Variants in ADPRHL1 observed in about 807,000 individuals in gnomAD.
The protein encoded by ADPRHL1 is ADP-ribosylhydrolase like 1.
In ADPRHL1, 43 loss-of-function variants were observed where a neutral mutation model predicts 44.1. The observed-to-expected ratio is 0.98, with a 90% CI of 0.76 to 1.26. The LOEUF (loss-of-function observed/expected upper bound fraction) is 1.26. Ranked by LOEUF, ADPRHL1 falls within the 50% of genes most tolerant of loss-of-function variation. The pLI is 0.00. For synonymous variants in ADPRHL1, 878 were observed against 1,017.4 expected (o/e 0.86, Z 2.61); for missense variants, 2,022 against 2,496.9 (o/e 0.81, Z 4.05).
At chr13:113,440,062 T>G (rs2044086865) in intron 2 of ADPRHL1, among the ~76,000 whole-genome samples, 1 of 152,228 alleles carries the variant, frequency 6.6e-6, no homozygotes. Context: ...ACTCTTTTTC[T>G]GTTTTCAATC....
chr13:113,439,601 CCAT>C (rs1452203621), intron 2 of ADPRHL1, among the ~76,000 whole-genome samples: 1 of 151,934 alleles, frequency 6.6e-6, no homozygotes. Context: ...GTGCCCACCA[CCAT>C]GTCTGGCTAA....
intron 3 of ADPRHL1, among the ~76,000 whole-genome samples, chr13:113,431,723 AT>A (rs199707185): frequency 1.3e-3 from 195 of 151,042 alleles, no homozygotes; most frequent in Non-Finnish European, 2.2e-3. Flanking sequence ...ATGTGAAATA[AT>A]TTTTTTTTTG....
intron 7 of ADPRHL1, chr13:113,422,477 G>C (rs765639982): frequency 9.9e-6 from 2 of 202,366 alleles, no homozygotes; most frequent in Non-Finnish European, 2.0e-5. Context: ...ACCGCAGTTA[G>C]TGTTGTTGAA....
Position 113,400,168 on chromosome 13 carries a change from CGG to C in ADPRHL1, c.*3208_*3209del, listed in dbSNP as rs1232065961. ...TTCTTCTTTTTTTTTTTTTTTTTGA[CGG>C]AGTCTCGCTCTGTCACCCAGGCTGG... On this transcript the variant is annotated 3_prime_UTR_variant, in exon 8 of 8. Transcript: ENST00000612156. The C allele has an allele frequency of 1.6e-5, 2 of 125,300 alleles. No individual in the cohort carries two copies. The highest frequency in any genetic ancestry group is 6.4e-5 in the African/African-American group (2 of 31,042). 7.8% of individuals were successfully genotyped at this position (125,300 alleles called of 1,614,324 possible).
chr13:113,433,599 G>A (rs957088660), intron 3 of ADPRHL1, 143 bp downstream of exon 3: 21 of 1,391,880 alleles, frequency 1.5e-5, no homozygotes, highest in Middle Eastern at 2.6e-4. Flanking sequence ...TGCAGGGTCA[G>A]CTTCTGTCTC....
Position 113,409,672 on chromosome 13 carries a change from G to A in ADPRHL1, c.1062-1452C>T. The A allele has an allele frequency of 2.2e-6, 2 of 922,326 alleles. No individual in the cohort carries two copies. Among genetic ancestry groups the A allele is most frequent in the Non-Finnish European group, 2.6e-6 (2 of 772,540 alleles). The allele number at this position is 922,326 out of a possible 1,614,324, so 57.1% of individuals were successfully genotyped here. ...GAGGCCGAGGCTGGCAGATCACGAG[G>A]TCAGGAGATCGAGACCATCCTGGAT... is the stretch of plus-strand genomic sequence containing the variant. On this transcript the variant is annotated intron_variant, in intron 7 of 7. Coordinates refer to ENST00000612156, the MANE Select transcript of ADPRHL1 (RefSeq NM_001394807.1). The surrounding 1 kb of genome is among the most constrained non-coding windows in gnomAD (Gnocchi z 4.2).
chr13:113,406,318 C>T lies in ADPRHL1; in HGVS notation c.2964G>A (p.Pro988=), dbSNP rs991438068. ...TTGATATTTCATTAGATTCCGGCAA[C>T]GGATGCTTCACATCTCTGAGCTCAG... ...RTSELRDVKH[P]LPESNEISMQ... is the part of the protein sequence containing the mutation. The change falls in exon 8 of 8, where the codon CCG becomes CCA. Residue 988 remains proline, a synonymous_variant. Coordinates refer to ENST00000612156, the MANE Select transcript of ADPRHL1 (RefSeq NM_001394807.1). 2.9e-5 allele frequency: 36 copies of T among 1,232,104 alleles called. No individual in the cohort carries two copies. In the Middle Eastern group the frequency reaches 9.4e-4, roughly 32 times the overall value. The allele number at this position is 1,232,104 out of a possible 1,614,324, so 76.3% of individuals were successfully genotyped here.
At position 113,403,257 on chromosome 13, in the gene ADPRHL1, A is replaced by T; in HGVS notation, c.*121T>A. On this transcript the variant is annotated 3_prime_UTR_variant, in exon 8 of 8. Coordinates refer to ENST00000612156, the MANE Select transcript of ADPRHL1 (RefSeq NM_001394807.1). ...GCTTGTGAAGAAGGGAAAGAAAATT[A>T]TGGAAACAGGCGTCTCTGTAGGGGA... 2.3e-6 allele frequency: 2 copies of T among 881,038 alleles called. No homozygotes were observed. Among genetic ancestry groups the T allele is most frequent in the Non-Finnish European group, 1.5e-6 (1 of 668,520 alleles). The allele number at this position is 881,038 out of a possible 1,614,324, so 54.6% of individuals were successfully genotyped here.
chr13:113,421,715 C>T (rs1292149100), intron 7 of ADPRHL1, among the ~76,000 whole-genome samples: 1 of 152,206 alleles, frequency 6.6e-6, no homozygotes, highest in Non-Finnish European at 1.5e-5. Context: ...ATAAAGACAT[C>T]ACCACTTTCC....
rs994934953 is a variant in ADPRHL1, at chr13:113,402,610, G to C, written c.*768C>G. On this transcript the variant is annotated 3_prime_UTR_variant, in exon 8 of 8. Transcript: ENST00000612156. Reference sequence around the variant, plus strand: ...GGGAAGGGCGGGCAGGCTCCCGTTCGTTCTCCCAGCACCCAGTTTCCAGAC... The same window carrying C: ...GGGAAGGGCGGGCAGGCTCCCGTTCCTTCTCCCAGCACCCAGTTTCCAGAC... 6.6e-6 allele frequency: 1 copy of C among 152,540 alleles called. No individual in the cohort carries two copies. Among genetic ancestry groups the C allele is most frequent in the African/African-American group, 2.4e-5 (1 of 41,438 alleles). 9.4% of individuals were successfully genotyped at this position (152,540 alleles called of 1,614,324 possible). A position where few individuals can be genotyped will look rare whatever the true frequency, so the allele number is the denominator to read the frequency against.
rs956227311 is a variant in ADPRHL1 at position 113,441,893 on chromosome 13, G to A, written c.379+2532C>T. Reference sequence around the variant, plus strand: ...CACACTCTGTCCCCACCCTGTGTGTGAGTCTGTGTCTCTATCACGCTTTAC... The same window carrying A: ...CACACTCTGTCCCCACCCTGTGTGTAAGTCTGTGTCTCTATCACGCTTTAC... On this transcript the variant is annotated intron_variant, in intron 2 of 7. Coordinates refer to ENST00000612156, the MANE Select transcript of ADPRHL1 (RefSeq NM_001394807.1). The surrounding 1 kb of genome is among the most constrained non-coding windows in gnomAD (Gnocchi z 6.0). 2.0e-5 allele frequency among the ~76,000 whole-genome samples: 3 copies of A among 152,178 alleles called. No homozygotes were observed. The highest frequency in any genetic ancestry group is 4.4e-5 in the Non-Finnish European group (3 of 68,036).
chr13:113,405,654 G>A lies in ADPRHL1; in HGVS notation c.3628C>T (p.Arg1210Cys), dbSNP rs74115874. Reference protein sequence around the residue: ...QHPEDIATLARHPEDAAALAR... With the variant: ...QHPEDIATLACHPEDAAALAR... ...AGGGCCGCAGCATCCTCCGGGTGGC[G>A]GGCGAGGGTCGCAATGTCCTCTGGG... Residue 1210 changes from arginine (R) to cysteine (C), a missense_variant, in exon 8 of 8, where the codon CGC (arginine) becomes TGC (cysteine). Physicochemically the swap from Arg to Cys is radical, Grantham distance 180 (BLOSUM62 -3). This residue lies in a region of ADPRHL1 where 1,221 missense variants were observed against 1,517.8 expected (regional missense o/e 0.80). Transcript: ENST00000612156. 1,082 of 1,232,638 alleles carry A rather than the reference G, an allele frequency of 8.8e-4. 8 individuals are homozygous for A. The African/African-American group carries it at 0.015, about 17-fold the overall frequency. The allele number at this position is 1,232,638 out of a possible 1,614,324, so 76.4% of individuals were successfully genotyped here. A position where few individuals can be genotyped will look rare whatever the true frequency, so the allele number is the denominator to read the frequency against.
chr13:113,417,605 A>AAC (rs2043893271), intron 7 of ADPRHL1, among the ~76,000 whole-genome samples: 1 of 152,230 alleles, frequency 6.6e-6, no homozygotes, highest in Non-Finnish European at 1.5e-5. Context: ...GCTGACCAGC[A>AAC]GCCGCTGCTC....
At chr13:113,416,036 C>A in intron 7 of ADPRHL1, among the ~76,000 whole-genome samples, 1 of 151,740 alleles carries the variant, frequency 6.6e-6, no homozygotes, top group Non-Finnish European at 1.5e-5. Context: ...CGAGAGTGGC[C>A]CCCAGGCGGC....
rs938491280 is a variant in ADPRHL1 at position 113,401,122 on chromosome 13, G to C, written c.*2256C>G. The C allele has an allele frequency of 2.6e-5, 4 of 152,144 alleles. No homozygotes were observed. The highest frequency in any genetic ancestry group is 7.2e-5 in the African/African-American group (3 of 41,424). 9.4% of individuals were successfully genotyped at this position (152,144 alleles called of 1,614,324 possible). On this transcript the variant is annotated 3_prime_UTR_variant, in exon 8 of 8. Coordinates refer to ENST00000612156, the MANE Select transcript of ADPRHL1 (RefSeq NM_001394807.1). This position sits in a 1 kb window ranked among gnomAD's most constrained non-coding sequence, Gnocchi z 5.5. Reference sequence around the variant, plus strand: ...CCGTGCCGCTGTGCCTGGAGTGGCAGGGGCAGCCACACAGACCTGGGGGTC... The same window carrying C: ...CCGTGCCGCTGTGCCTGGAGTGGCACGGGCAGCCACACAGACCTGGGGGTC...
Position 113,433,821 on chromosome 13 carries a change from C to A in ADPRHL1, c.426G>T (p.Arg142=). The A allele has an allele frequency of 6.3e-7, 1 of 1,579,132 alleles. No individual in the cohort carries two copies. Among genetic ancestry groups the A allele is most frequent in the Non-Finnish European group, 8.6e-7 (1 of 1,162,868 alleles). ...TCTCCAGCCGCTCAGGCTTCCAGTACCGCAGGCCGATGCACATGGCCTTGG... is the reference window on the plus strand; with the variant it reads ...TCTCCAGCCGCTCAGGCTTCCAGTAACGCAGGCCGATGCACATGGCCTTGG... ...AATKAMCIGL[R]YWKPERLETL... Residue 142 remains arginine, a synonymous_variant, in exon 3 of 8, where the codon CGG becomes CGT. Coordinates refer to ENST00000612156, the MANE Select transcript of ADPRHL1 (RefSeq NM_001394807.1).
At chr13:113,435,139 CCGGCACCCACGCA>C (rs2044041355) in intron 2 of ADPRHL1, among the ~76,000 whole-genome samples, 2 of 71,514 alleles carry the variant, frequency 2.8e-5, no homozygotes, top group Non-Finnish European at 6.0e-5. Flanking sequence ...ACCCCAGGAC[CCGGCACCCACGCA>C]TAGAGTGAAC....
At chr13:113,433,981 T>G in intron 2 of ADPRHL1, 114 bp from the exon 3 acceptor site, 2 of 1,396,194 alleles carry the variant, frequency 1.4e-6, no homozygotes, top group Non-Finnish European at 1.9e-6. Context: ...TAACATGTTA[T>G]CAGAGTGTGG....
At chr13:113,444,632 G>A (rs760608077) in intron 1 of ADPRHL1, 43 bp from the exon 2 acceptor site, 15 of 1,593,134 alleles carry the variant, frequency 9.4e-6, no homozygotes, top group South Asian at 4.5e-5. Context: ...CAGCTGTGGT[G>A]TGAACTGTGG....
Sources: allele counts gnomAD v4.1 joint callset (sites outside exome capture counted in the v4.1 genomes callset), GRCh38; gene constraint gnomAD v4.1.1; regional missense constraint gnomAD v4.1.1; non-coding constraint Gnocchi (gnomAD v3.1); transcripts MANE v1.5; gene names NCBI Gene and HGNC (gene_info 2026-07-23, HGNC 2026-07-21).